Variants in JAG2 observed in about 807,000 individuals in gnomAD.
JAG2 encodes the protein jagged canonical Notch ligand 2.
JAG2 carries 46 observed loss-of-function variants against 141.7 expected under a neutral mutation model. The observed-to-expected ratio is 0.32, with a 90% CI of 0.26 to 0.42. The LOEUF is 0.42. Ranked by LOEUF, JAG2 falls within the 10% of genes least tolerant of loss-of-function variation. The pLI, the probability that JAG2 is intolerant of heterozygous loss-of-function variation, is 1.00. For synonymous variants in JAG2, 862 were observed against 763.5 expected (o/e 1.13, Z -2.13); for missense variants, 1,500 against 1,817.5 (o/e 0.83, Z 3.18).
chr14:105,162,584 G>A (rs587666305), intron 2 of JAG2, among the ~76,000 whole-genome samples: 1 of 149,646 alleles, frequency 6.7e-6, no homozygotes, highest in East Asian at 2.0e-4. Context: ...CCAGTTCCAG[G>A]GCACCCCAAA....
chr14:105,143,946 G>T (rs781624881), intron 24 of JAG2, among the ~76,000 whole-genome samples: 50 of 139,704 alleles, frequency 3.6e-4, no homozygotes, highest in Non-Finnish European at 5.5e-4. Flanking sequence ...CCATCCGGGC[G>T]CACGGGACAG....
chr14:105,162,879 T>C (rs969094015), intron 2 of JAG2, among the ~76,000 whole-genome samples: 4 of 150,872 alleles, frequency 2.7e-5, no homozygotes, highest in African/African-American at 9.8e-5. Flanking sequence ...GTACTCCAAA[T>C]GCCAAGCACC....
chr14:105,168,194 G>A, intron 1 of JAG2, 87 bp from the exon 2 acceptor site: 2 of 1,057,818 alleles, frequency 1.9e-6, no homozygotes, highest in Non-Finnish European at 1.2e-6. Flanking sequence ...AGGCCCCGCC[G>A]CCCCGCCCCC....
chr14:105,150,791 C>T lies in JAG2; in HGVS notation c.1429-14G>A. The T allele has an allele frequency of 1.9e-6, 3 of 1,582,176 alleles. No homozygotes were observed. In the African/African-American group the frequency reaches 4.0e-5, roughly 21 times the overall value. On this transcript the variant is annotated splice_polypyrimidine_tract_variant and intron_variant, in intron 11 of 25. Transcript: ENST00000331782. ...GTTCACCAGGTCCTGGGCGGGCCAG[C>T]CAGGTGAGCGTCCCGCAGGCACCCT...
rs377407573 is a variant in JAG2, at chr14:105,143,074, C to T, written c.3338G>A (p.Arg1113Gln). The T allele has an allele frequency of 9.4e-6, 15 of 1,601,226 alleles. No homozygotes were observed. Among genetic ancestry groups the T allele is most frequent in the Non-Finnish European group, 1.1e-5 (13 of 1,179,524 alleles). Residue 1113 changes from arginine (R) to glutamine (Q), a missense_variant, in exon 26 of 26, where the codon CGG becomes CAG. Arg to Gln is a conservative substitution (Grantham distance 43). Around this residue, in one of 3 missense-constraint regions of JAG2, gnomAD observed 425 missense variants for 441.0 expected, o/e 0.96. Transcript: ENST00000331782. ...VWWTRKRRKE[R>Q]ERSRLPREES... Reference sequence around the variant, plus strand: ...CTCCCGCGGCAGCCGGCTCCTCTCCCGCTCTTTCCTGCGCTTGCGTGTCCA... The same window carrying T: ...CTCCCGCGGCAGCCGGCTCCTCTCCTGCTCTTTCCTGCGCTTGCGTGTCCA...
At chr14:105,153,264 C>T (rs587641375) in intron 5 of JAG2, among the ~76,000 whole-genome samples, 6 of 152,366 alleles carry the variant, frequency 3.9e-5, no homozygotes, top group African/African-American at 1.2e-4. Flanking sequence ...CCTATCAGCC[C>T]AGTTCAGCTG....
rs11623856 is a variant in JAG2, at chr14:105,164,383, C to T, written c.417+3374G>A. 8.0e-3 allele frequency among the ~76,000 whole-genome samples: 1,216 copies of T among 152,288 alleles called. 11 individuals carry two copies. The highest frequency in any genetic ancestry group is 0.027 in the Middle Eastern group (8 of 294). Reference sequence around the variant, plus strand: ...GGCAGGAGGAACAGACCGATGCCCACCCAACACAGGAACCCAGATGCCCAC... The same window carrying T: ...GGCAGGAGGAACAGACCGATGCCCATCCAACACAGGAACCCAGATGCCCAC... On this transcript the variant is annotated intron_variant, in intron 2 of 25. Coordinates refer to ENST00000331782, the MANE Select transcript of JAG2 (RefSeq NM_002226.5).
intron 12 of JAG2, 83 bp downstream of exon 12, chr14:105,150,521 C>T (rs1351381444): frequency 1.4e-6 from 2 of 1,393,114 alleles, no homozygotes; most frequent in African/African-American, 1.4e-5. Context: ...CCCTGGGTCA[C>T]TCAGGCCCCA....
chr14:105,146,631 G>C lies in JAG2; in HGVS notation c.2573C>G (p.Ala858Gly). ...CCTACCTTCCTGGCACCGGGGGCCG[G>C]CTCGGCCGGGTGGGCAGCTACAGCG... ...GYRCSCPPGRAGPRCQEVIGF... is the reference protein window; with the variant it reads ...GYRCSCPPGRGGPRCQEVIGF... The change falls in exon 21 of 26, where the codon GCC (alanine) becomes GGC (glycine). Residue 858 changes from alanine (A) to glycine (G), a missense_variant. By Grantham distance (60) the Ala-to-Gly change is moderately conservative. Around this residue, in one of 3 missense-constraint regions of JAG2, gnomAD observed 875 missense variants for 1,202.2 expected, o/e 0.73. Coordinates refer to ENST00000331782, the MANE Select transcript of JAG2 (RefSeq NM_002226.5). 1 of 1,612,576 alleles carries C rather than the reference G, an allele frequency of 6.2e-7. No homozygotes were observed. The highest frequency in any genetic ancestry group is 1.1e-5 in the South Asian group (1 of 91,076).
At position 105,145,022 on chromosome 14, in the gene JAG2, G is replaced by A; in HGVS notation, c.2992C>T (p.Leu998=). The A allele has an allele frequency of 6.2e-7, 1 of 1,610,110 alleles. No homozygotes were observed. The highest frequency in any genetic ancestry group is 8.5e-7 in the Non-Finnish European group (1 of 1,179,790). ...VGAICSGIRS[L]PATRAVARDR... is the part of the protein sequence containing the mutation. The stretch of plus-strand genomic sequence containing the variant: ...CGTGCCACAGCCCTTGTGGCTGGCA[G>A]GGAGCGGATCCCGGAGCAAATGGCG... Residue 998 remains leucine (L), a synonymous_variant, in exon 24 of 26, where the codon CTG becomes TTG. Coordinates refer to ENST00000331782, the MANE Select transcript of JAG2 (RefSeq NM_002226.5).
At chr14:105,145,098 C>A (rs1338372411) in intron 23 of JAG2, 37 bp from the exon 24 acceptor site, 6 of 1,606,372 alleles carry the variant, frequency 3.7e-6, no homozygotes, top group Non-Finnish European at 5.1e-6. Flanking sequence ...CAGGGCAGGG[C>A]CGTGAACCTG....
intron 1 of JAG2, 92 bp from the exon 2 acceptor site, chr14:105,168,199 GCC>G: frequency 1.3e-6 from 1 of 788,150 alleles, no homozygotes; most frequent in Non-Finnish European, 1.6e-6. Flanking sequence ...CCGCCGCCCC[GCC>G]CCCACCCAGC....
chr14:105,168,600 T>TGGGCGGCGGGCGTGCAG lies in JAG2; in HGVS notation c.-197_-181dup, dbSNP rs1889001460. 7.0e-6 allele frequency: 1 copy of TGGGCGGCGGGCGTGCAG among 141,902 alleles called. No individual in the cohort carries two copies. Among genetic ancestry groups the TGGGCGGCGGGCGTGCAG allele is most frequent in the African/African-American group, 2.6e-5 (1 of 39,040 alleles). 8.8% of individuals were successfully genotyped at this position (141,902 alleles called of 1,614,324 possible). ...AGCGCAGCGCCGCGGCGCGCGGGCCTGGGCGGCGGGCGTGCAGGGGCGGCG... is the reference window on the plus strand; with the variant it reads ...AGCGCAGCGCCGCGGCGCGCGGGCCTGGGCGGCGGGCGTGCAGGGGCGGCGGGCGTGCAGGGGCGGCG... On this transcript the variant is annotated 5_prime_UTR_variant, in exon 1 of 26. Transcript: ENST00000331782.
In JAG2 at chr14:105,167,478, G is replaced by T. The variant is rs1888952889; in HGVS notation, c.417+279C>A. 6.6e-6 allele frequency among the ~76,000 whole-genome samples: 1 copy of T among 150,956 alleles called. No individual in the cohort carries two copies. The highest frequency in any genetic ancestry group is 2.1e-4 in the South Asian group (1 of 4,828). Reference sequence around the variant, plus strand: ...CCCCACCCAGACAGACACGCGCAGGGCGACGCAGGCACACGCCGCACACCG... The same window carrying T: ...CCCCACCCAGACAGACACGCGCAGGTCGACGCAGGCACACGCCGCACACCG... On this transcript the variant is annotated intron_variant, in intron 2 of 25. Coordinates refer to ENST00000331782, the MANE Select transcript of JAG2 (RefSeq NM_002226.5). The surrounding 1 kb of genome is among the most constrained non-coding windows in gnomAD (Gnocchi z 4.8).
chr14:105,142,452 C>T lies in JAG2; in HGVS notation c.*243G>A. ...GCTCTCTCCTTTCATACAGCGAGTG[C>T]CACGCACGGAAACTTTACAAAAATA... On this transcript the variant is annotated 3_prime_UTR_variant, in exon 26 of 26. Coordinates refer to ENST00000331782, the MANE Select transcript of JAG2 (RefSeq NM_002226.5). 1 of 526,522 alleles carries T rather than the reference C, an allele frequency of 1.9e-6. No homozygotes were observed. Among genetic ancestry groups the T allele is most frequent in the Non-Finnish European group, 3.4e-6 (1 of 295,446 alleles). The allele number at this position is 526,522 out of a possible 1,614,324, so 32.6% of individuals were successfully genotyped here.
chr14:105,144,813 C>G (rs1395169308), intron 24 of JAG2, 117 bp downstream of exon 24: 2 of 1,342,902 alleles, frequency 1.5e-6, no homozygotes, highest in African/African-American at 1.4e-5. Context: ...GACAGGCCTG[C>G]CCGCAGTCCT....
chr14:105,148,796 C>A lies in JAG2; in HGVS notation c.1969G>T (p.Ala657Ser), dbSNP rs149164867. ...NGGTCIDEVD[A>S]FRCFCPSGWE... ...CCGCTGGGGCAGAAGCAGCGGAAGG[C>A]GTCCACCTCATCGATGCATGTGCCC... Residue 657 changes from alanine (A) to serine (S), a missense_variant, in exon 15 of 26, where the codon GCC (alanine) becomes TCC (serine). This residue lies in a region of JAG2 where 875 missense variants were observed against 1,202.2 expected (regional missense o/e 0.73). Transcript: ENST00000331782. The A allele has an allele frequency of 1.3e-6, 2 of 1,596,862 alleles. No individual in the cohort carries two copies. Among genetic ancestry groups the A allele is most frequent in the Non-Finnish European group, 1.7e-6 (2 of 1,172,524 alleles).
Position 105,150,765 on chromosome 14 carries a change from C to A in JAG2, c.1441G>T (p.Gly481Trp). 1 of 1,588,008 alleles carries A rather than the reference C, an allele frequency of 6.3e-7. No homozygotes were observed. Among genetic ancestry groups the A allele is most frequent in the Non-Finnish European group, 8.6e-7 (1 of 1,167,838 alleles). ...CCCCGTGGGCACACACACTGGTACC[C>A]GTTCACCAGGTCCTGGGCGGGCCAG... Reference protein sequence around the residue: ...HGGTCKDLVNGYQCVCPRGFG... With the variant: ...HGGTCKDLVNWYQCVCPRGFG... The change falls in exon 12 of 26, where the codon GGG (glycine) becomes TGG (tryptophan). Residue 481 changes from glycine to tryptophan, a missense_variant. Physicochemically the swap from Gly to Trp is radical, Grantham distance 184 (BLOSUM62 -2). Transcript: ENST00000331782.
chr14:105,145,782 G>A lies in JAG2; in HGVS notation c.2901C>T (p.Asp967=). Residue 967 remains aspartate, a synonymous_variant, in exon 23 of 26, where the codon GAC becomes GAT. Coordinates refer to ENST00000331782, the MANE Select transcript of JAG2 (RefSeq NM_002226.5). ...TPCLPRSGHL[D]NNCARLTLHF... ...GCAAGGTGAGGCGGGCACAGTTATT[G>A]TCCAGGTGGCCGGAGCGTGGCAGGC... 2 of 1,581,698 alleles carry A rather than the reference G, an allele frequency of 1.3e-6. No individual in the cohort carries two copies. The highest frequency in any genetic ancestry group is 2.3e-5 in the East Asian group (1 of 42,586).
Sources: allele counts gnomAD v4.1 joint callset (sites outside exome capture counted in the v4.1 genomes callset), GRCh38; gene constraint gnomAD v4.1.1; regional missense constraint gnomAD v4.1.1; non-coding constraint Gnocchi (gnomAD v3.1); transcripts MANE v1.5; gene names NCBI Gene and HGNC (gene_info 2026-07-23, HGNC 2026-07-21).